Variants in KPNA4 observed in about 807,000 individuals in gnomAD.
KPNA4 encodes the protein importin subunit alpha-3.
In KPNA4, 13 loss-of-function variants were observed where a neutral mutation model predicts 71.3. That is an observed-to-expected ratio of 0.18 (90% confidence interval 0.12 to 0.29). KPNA4 has a LOEUF of 0.29. Among genes scored for constraint, KPNA4 ranks in the 10% least tolerant of loss-of-function variants. The probability of loss-of-function intolerance (pLI) is 1.00; values close to 1 mark genes in which losing one functional copy is unlikely to be tolerated. For synonymous variants in KPNA4, 189 were observed against 195.2 expected (o/e 0.97, Z 0.26); for missense variants, 334 against 603.2 (o/e 0.55, Z 4.67).
chr3:160,544,764 T>C (rs1721871993), intron 1 of KPNA4, among the ~76,000 whole-genome samples: 1 of 152,198 alleles, frequency 6.6e-6, no homozygotes, highest in Admixed American at 6.5e-5. Flanking sequence ...GAATCTGATT[T>C]CTCTGCTGAT....
At chr3:160,502,606 A>G (rs1437214247) in intron 16 of KPNA4, among the ~76,000 whole-genome samples, 1 of 152,096 alleles carries the variant, frequency 6.6e-6, no homozygotes, top group East Asian at 1.9e-4. Context: ...CCTAAGCTCA[A>G]GCAATCTGCC....
At chr3:160,528,213 T>C (rs1721499807) in intron 7 of KPNA4, among the ~76,000 whole-genome samples, 174 bp from the exon 8 acceptor site, 1 of 152,178 alleles carries the variant, frequency 6.6e-6, no homozygotes, top group Admixed American at 6.5e-5. Context: ...TTTTGACCAG[T>C]GACTATTTAC....
At chr3:160,548,388 T>C (rs955118353) in intron 1 of KPNA4, among the ~76,000 whole-genome samples, 4 of 152,216 alleles carry the variant, frequency 2.6e-5, no homozygotes, top group African/African-American at 9.7e-5. Flanking sequence ...CATATTGTTG[T>C]GCATCAAATC....
Position 160,502,130 on chromosome 3 carries a change from C to A in KPNA4, c.1540G>T (p.Val514Leu), listed in dbSNP as rs755593800. 10 of 1,595,322 alleles carry A rather than the reference C, an allele frequency of 6.3e-6. No individual in the cohort carries two copies. Among genetic ancestry groups the A allele is most frequent in the African/African-American group, 2.7e-5 (2 of 74,226 alleles). Residue 514 changes from valine (V) to leucine (L), a missense_variant, in exon 17 of 17, where the codon GTA (valine) becomes TTA (leucine). Transcript: ENST00000334256. ...GTFGFNSSAN[V>L]PTEGFQF is the part of the protein sequence containing the mutation. ...TAAAACTGGAACCCTTCTGTTGGTA[C>A]ATTGGCAGATGAATTGAAACCAAAT...
intron 1 of KPNA4, among the ~76,000 whole-genome samples, chr3:160,549,935 A>T (rs925669203): frequency 6.6e-6 from 1 of 152,206 alleles, no homozygotes; most frequent in South Asian, 2.1e-4. Flanking sequence ...TGTTTTGCAT[A>T]TAAGCCTTTC....
intron 11 of KPNA4, among the ~76,000 whole-genome samples, chr3:160,518,504 G>C (rs890910297): frequency 6.6e-6 from 1 of 151,404 alleles, no homozygotes; most frequent in Non-Finnish European, 1.5e-5. Flanking sequence ...ATATCCAGTC[G>C]TTCTTGCCCA....
chr3:160,560,511 T>C (rs1722222962), intron 1 of KPNA4, among the ~76,000 whole-genome samples: 1 of 151,484 alleles, frequency 6.6e-6, no homozygotes, highest in African/African-American at 2.4e-5. Flanking sequence ...AGATGAATGC[T>C]ACTCCAGAAA....
chr3:160,557,301 A>AACT (rs1176248738), intron 1 of KPNA4, among the ~76,000 whole-genome samples: 1 of 152,194 alleles, frequency 6.6e-6, no homozygotes, highest in African/African-American at 2.4e-5. Context: ...TTCGGGATAA[A>AACT]ACTACTCAAC....
intron 12 of KPNA4, chr3:160,514,824 T>G (rs1721170731): frequency 4.9e-6 from 2 of 404,740 alleles, no homozygotes; most frequent in Non-Finnish European, 9.7e-6. Context: ...AAAATAATGG[T>G]GGCCTTACGC....
intron 15 of KPNA4, among the ~76,000 whole-genome samples, chr3:160,506,684 A>G (rs1427711442): frequency 6.6e-6 from 1 of 152,200 alleles, no homozygotes; most frequent in Non-Finnish European, 1.5e-5. Context: ...ATGTATAAAG[A>G]TATTTTAGTA....
chr3:160,530,984 A>G (rs1721564104), intron 6 of KPNA4, 44 bp from the exon 7 acceptor site: 1 of 1,276,258 alleles, frequency 7.8e-7, no homozygotes, highest in Non-Finnish European at 1.1e-6. Context: ...GGATTTTTAC[A>G]TTGGGCCAAA....
chr3:160,530,597 T>C (rs762806758), intron 7 of KPNA4, among the ~76,000 whole-genome samples: 5 of 152,170 alleles, frequency 3.3e-5, no homozygotes, highest in African/African-American at 4.8e-5. Flanking sequence ...AGTGTAACAA[T>C]AATAATGTAA....
chr3:160,534,390 C>A (rs1721638202), intron 5 of KPNA4, among the ~76,000 whole-genome samples: 1 of 152,092 alleles, frequency 6.6e-6, no homozygotes, highest in Non-Finnish European at 1.5e-5. Context: ...TCTGCCTCTT[C>A]CCTTAAAATA....
chr3:160,512,544 A>G (rs1435256758), intron 13 of KPNA4, among the ~76,000 whole-genome samples: 2 of 152,258 alleles, frequency 1.3e-5, no homozygotes, highest in Non-Finnish European at 2.9e-5. Context: ...ACTGTATTTC[A>G]AAGTATTAAT....
chr3:160,537,679 A>G lies in KPNA4; in HGVS notation c.70-839T>C, dbSNP rs75344710. Among the ~76,000 whole-genome samples, 153 of 150,258 alleles carry G rather than the reference A, an allele frequency of 1.0e-3. 1 individual carries two copies. The East Asian group carries it at 0.028, about 28-fold the overall frequency. On this transcript the variant is annotated intron_variant, in intron 1 of 16. Transcript: ENST00000334256. The stretch of plus-strand genomic sequence containing the variant: ...ATCACAAACTTAAATCCAAAACTGA[A>G]CTTTTGATCTTTAATACACTCCACC...
chr3:160,558,059 G>C (rs1366247173), intron 1 of KPNA4, among the ~76,000 whole-genome samples: 1 of 151,848 alleles, frequency 6.6e-6, no homozygotes, highest in Non-Finnish European at 1.5e-5. Context: ...TTTCATTCTG[G>C]GTACTAAATA....
intron 6 of KPNA4, 129 bp downstream of exon 6, chr3:160,531,333 C>T: frequency 2.0e-6 from 1 of 499,592 alleles, no homozygotes; most frequent in Non-Finnish European, 3.4e-6. Flanking sequence ...CTGCTTTTCA[C>T]TTTGACTTTT....
intron 1 of KPNA4, among the ~76,000 whole-genome samples, chr3:160,552,302 A>C (rs1722055671): frequency 6.6e-6 from 1 of 152,174 alleles, no homozygotes; most frequent in South Asian, 2.1e-4. Flanking sequence ...ATCACTACGC[A>C]ATCTATACAT....
At chr3:160,552,165 A>T (rs1722053277) in intron 1 of KPNA4, among the ~76,000 whole-genome samples, 2 of 152,216 alleles carry the variant, frequency 1.3e-5, no homozygotes, top group African/African-American at 4.8e-5. Flanking sequence ...ATGAAAAAGG[A>T]AACAATCCAA....
Sources: allele counts gnomAD v4.1 joint callset (sites outside exome capture counted in the v4.1 genomes callset), GRCh38; gene constraint gnomAD v4.1.1; transcripts MANE v1.5; gene names NCBI Gene and HGNC (gene_info 2026-07-23, HGNC 2026-07-21).